PAFAH2: variants seen among roughly 807,000 people sequenced by gnomAD.
PAFAH2 encodes platelet activating factor acetylhydrolase 2, also known as platelet-activating factor acetylhydrolase 2, cytoplasmic.
In PAFAH2, 42 loss-of-function variants were observed where a neutral mutation model predicts 49.0. The observed-to-expected ratio is 0.86, with a 90% CI of 0.67 to 1.11. The LOEUF is 1.11. PAFAH2 is among the 50% of genes least tolerant of loss of function. The pLI is 0.00. For missense variants in PAFAH2, 503 were observed against 501.8 expected, an observed-to-expected ratio of 1.00 and a Z score of -0.02; for synonymous variants, 184 against 181.3, an observed-to-expected ratio of 1.01 and a Z score of -0.12.
intron 10 of PAFAH2, among the ~76,000 whole-genome samples, chr1:25,964,928 T>C (rs2049397782): frequency 1.3e-5 from 2 of 152,078 alleles, no homozygotes; most frequent in Admixed American, 6.6e-5. Flanking sequence ...CTCAAATTCA[T>C]ATGGAACCAA....
intron 10 of PAFAH2, among the ~76,000 whole-genome samples, chr1:25,962,932 C>T (rs1329728257): frequency 2.0e-5 from 3 of 151,994 alleles, no homozygotes; most frequent in Non-Finnish European, 4.4e-5. Context: ...AATCCAGGAC[C>T]ACTTCAGTGA....
intron 4 of PAFAH2, among the ~76,000 whole-genome samples, chr1:25,985,379 G>A (rs1423868158): frequency 2.0e-5 from 3 of 152,200 alleles, no homozygotes; most frequent in Non-Finnish European, 4.4e-5. Context: ...TGACCCATGG[G>A]AAGGATTTCA....
intron 1 of PAFAH2, among the ~76,000 whole-genome samples, chr1:25,991,536 C>A (rs1335881615): frequency 6.8e-6 from 1 of 147,490 alleles, no homozygotes; most frequent in Non-Finnish European, 1.5e-5. Flanking sequence ...CCCACTTTGG[C>A]CTCCCAAAGT....
chr1:25,989,838 T>C (rs2049847893), intron 2 of PAFAH2, among the ~76,000 whole-genome samples: 2 of 152,190 alleles, frequency 1.3e-5, no homozygotes, highest in South Asian at 2.1e-4. Context: ...TTGAATTACA[T>C]TGTGGGAGGG....
intron 6 of PAFAH2, among the ~76,000 whole-genome samples, chr1:25,983,209 A>C (rs114966317): frequency 6.6e-6 from 1 of 151,794 alleles, no homozygotes; most frequent in Admixed American, 6.6e-5. Context: ...TGGGCAACAT[A>C]GCAAGACCCC....
At chr1:25,967,693 G>A (rs1572340973) in intron 10 of PAFAH2, among the ~76,000 whole-genome samples, 2 of 152,312 alleles carry the variant, frequency 1.3e-5, no homozygotes, top group South Asian at 4.1e-4. Context: ...GGTTAAGAGG[G>A]AATGGGAAGA....
intron 1 of PAFAH2, among the ~76,000 whole-genome samples, chr1:25,994,324 T>A (rs1354273536): frequency 6.6e-6 from 1 of 151,642 alleles, no homozygotes; most frequent in Non-Finnish European, 1.5e-5. Context: ...AGAGATGGAG[T>A]TTCATCATGT....
chr1:25,989,340 A>G, intron 3 of PAFAH2, 108 bp downstream of exon 3: 3 of 1,051,646 alleles, frequency 2.9e-6, no homozygotes, highest in African/African-American at 3.2e-5. Flanking sequence ...GATGCCCCTT[A>G]CAAAAGCCTG....
At chr1:25,983,462 T>C (rs138425307) in intron 6 of PAFAH2, among the ~76,000 whole-genome samples, 51 of 150,908 alleles carry the variant, frequency 3.4e-4, no homozygotes, top group Non-Finnish European at 4.4e-4. Flanking sequence ...GACACTGAGG[T>C]AGGAAGATCT....
intron 10 of PAFAH2, among the ~76,000 whole-genome samples, chr1:25,963,061 G>A (rs1034941497): frequency 2.0e-5 from 3 of 152,056 alleles, no homozygotes; most frequent in Non-Finnish European, 4.4e-5. Flanking sequence ...AGGCACAAAG[G>A]GTCCAAGCCC....
chr1:25,965,880 A>T (rs1178553600), intron 10 of PAFAH2, among the ~76,000 whole-genome samples: 3 of 151,168 alleles, frequency 2.0e-5, no homozygotes, highest in Non-Finnish European at 4.4e-5. Context: ...CAACAAGAAA[A>T]AAAAAAACAC....
At chr1:25,972,834 T>C in intron 9 of PAFAH2, 122 bp from the exon 10 acceptor site, 1 of 966,002 alleles carries the variant, frequency 1.0e-6, no homozygotes, top group Non-Finnish European at 1.6e-6. Flanking sequence ...CACAGCAACC[T>C]TGTAAGGGAA....
At chr1:25,992,583 C>G (rs1462687768) in intron 1 of PAFAH2, among the ~76,000 whole-genome samples, 2 of 152,194 alleles carry the variant, frequency 1.3e-5, no homozygotes, top group African/African-American at 4.8e-5. Flanking sequence ...TTAATTCTTT[C>G]AACAGTCCTC....
intron 10 of PAFAH2, among the ~76,000 whole-genome samples, chr1:25,967,657 G>A (rs117184743): frequency 6.6e-6 from 1 of 152,326 alleles, no homozygotes; most frequent in East Asian, 1.9e-4. Flanking sequence ...TTTTGATGGA[G>A]TACTGTGATG....
intron 9 of PAFAH2, 30 bp from the exon 10 acceptor site, chr1:25,972,742 G>T (rs988022181): frequency 1.9e-6 from 3 of 1,613,532 alleles, no homozygotes; most frequent in Non-Finnish European, 2.5e-6. Flanking sequence ...ACTGGCAGGG[G>T]TCTGGCGGCT....
chr1:25,979,781 C>G (rs1416708235), intron 7 of PAFAH2, among the ~76,000 whole-genome samples: 1 of 152,132 alleles, frequency 6.6e-6, no homozygotes, highest in Admixed American at 6.6e-5. Flanking sequence ...TGAGCCACCA[C>G]GCCTGGCCTG....
chr1:25,982,220 C>T lies in PAFAH2; in HGVS notation c.666+144G>A, dbSNP rs1007503082. 6.6e-6 allele frequency: 4 copies of T among 607,144 alleles called. No individual in the cohort carries two copies. In the Admixed American group the frequency reaches 8.1e-5, roughly 12 times the overall value. The allele number at this position is 607,144 out of a possible 1,614,324, so 37.6% of individuals were successfully genotyped here. ...GAGACCCTGGGTCTAACTACACTGG[C>T]CTAAAGTTGGCCTTTGATCTTCTTG... is the stretch of plus-strand genomic sequence containing the variant. On this transcript the variant is annotated intron_variant, in intron 7 of 10. Transcript: ENST00000374282.
chr1:25,961,957 GC>G lies in PAFAH2; in HGVS notation c.*31del. 6.4e-7 allele frequency: 1 copy of G among 1,569,026 alleles called. No individual in the cohort carries two copies. The highest frequency in any genetic ancestry group is 8.8e-7 in the Non-Finnish European group (1 of 1,140,802). On this transcript the variant is annotated 3_prime_UTR_variant, in exon 11 of 11. Transcript: ENST00000374282. ...TGGGTAGCTCCCAAATGAAAACTTG[GC>G]TGAAGTGACTTTACAAATGGCCAGT...
At chr1:25,986,013 T>C (rs930842535) in intron 4 of PAFAH2, among the ~76,000 whole-genome samples, 2 of 152,242 alleles carry the variant, frequency 1.3e-5, no homozygotes, top group Non-Finnish European at 1.5e-5. Flanking sequence ...TTCCAGGCAC[T>C]GTCCTAGAAG....
Sources: allele counts gnomAD v4.1 joint callset (sites outside exome capture counted in the v4.1 genomes callset), GRCh38; gene constraint gnomAD v4.1.1; transcripts MANE v1.5; gene names NCBI Gene and HGNC (gene_info 2026-07-23, HGNC 2026-07-21).